Variants in VRK2 observed in about 807,000 individuals in gnomAD.
VRK2 encodes the protein serine/threonine-protein kinase VRK2.
A neutral mutation model predicts 57.6 loss-of-function variants in VRK2; 60 were observed. That is an observed-to-expected ratio of 1.04 (90% CI 0.85 to 1.29). The LOEUF (loss-of-function observed/expected upper bound fraction) is 1.29. Among genes scored for constraint, VRK2 ranks in the 50% most tolerant of loss-of-function variants. VRK2 has a pLI of 0.00. For synonymous variants in VRK2, 231 were observed against 199.2 expected (o/e 1.16, Z -1.35); for missense variants, 705 against 588.1 (o/e 1.20, Z -2.06).
At chr2:57,914,442 A>T (rs1423764124) in intron 1 of VRK2, among the ~76,000 whole-genome samples, 1 of 152,072 alleles carries the variant, frequency 6.6e-6, no homozygotes, top group East Asian at 1.9e-4. Context: ...ATTTAAAAAT[A>T]ATTTAAACTA....
intron 2 of VRK2, among the ~76,000 whole-genome samples, chr2:58,067,549 T>G (rs115385763): frequency 0.01 from 1,573 of 152,236 alleles, 29 homozygotes; most frequent in African/African-American, 0.036. Flanking sequence ...TTTATAGATT[T>G]TATTGATCAT....
Position 58,092,759 on chromosome 2 carries a change from G to A in VRK2, c.543+3036G>A, listed in dbSNP as rs1169516522. Among the ~76,000 whole-genome samples the A allele has an allele frequency of 5.3e-5, 8 of 152,092 alleles. No individual in the cohort carries two copies. In the South Asian group the frequency reaches 1.5e-3, roughly 28 times the overall value. ...TACATGTGCCATGTTGGTGTGCTGC[G>A]CCCATGAACTTGTCATTTATATTAG... On this transcript the variant is annotated intron_variant, in intron 7 of 12. Transcript: ENST00000340157.
chr2:58,016,324 G>T (rs1180143106), intron 1 of VRK2, among the ~76,000 whole-genome samples: 1 of 151,488 alleles, frequency 6.6e-6, no homozygotes, highest in Non-Finnish European at 1.5e-5. Flanking sequence ...CTAATTTGCA[G>T]ATTCTCCATT....
intron 1 of VRK2, among the ~76,000 whole-genome samples, chr2:57,911,355 C>G (rs1044609678): frequency 6.6e-6 from 1 of 152,098 alleles, no homozygotes; most frequent in African/African-American, 2.4e-5. Flanking sequence ...TTGGGAAACA[C>G]TACACCCTTT....
intron 12 of VRK2, among the ~76,000 whole-genome samples, chr2:58,149,841 A>G (rs964282555): frequency 6.6e-6 from 1 of 151,466 alleles, no homozygotes; most frequent in African/African-American, 2.4e-5. Flanking sequence ...TCAACCTTTT[A>G]TTTCTGGGAT....
At chr2:57,956,029 TA>T (rs1385147472) in intron 1 of VRK2, among the ~76,000 whole-genome samples, 10 of 152,242 alleles carry the variant, frequency 6.6e-5, no homozygotes, top group African/African-American at 2.4e-4. Flanking sequence ...CTGTTAATAA[TA>T]AATACATTCA....
intron 1 of VRK2, among the ~76,000 whole-genome samples, chr2:58,025,419 G>T (rs1673894916): frequency 6.6e-6 from 1 of 152,080 alleles, no homozygotes; most frequent in African/African-American, 2.4e-5. Flanking sequence ...AGAATTCAAA[G>T]GCCAATTTTG....
intron 1 of VRK2, chr2:58,047,301 G>A (rs1674962067): frequency 1.9e-6 from 1 of 514,438 alleles, no homozygotes; most frequent in Non-Finnish European, 2.5e-6. Flanking sequence ...TTGGAGGTCA[G>A]CCCAGGCACA....
rs769052775 is a variant in VRK2, at chr2:58,084,895, T to C, written c.201T>C (p.Asn67=). 5.1e-5 allele frequency: 80 copies of C among 1,578,874 alleles called. No individual in the cohort carries two copies. Among genetic ancestry groups the C allele is most frequent in the Admixed American group, 1.3e-4 (7 of 54,586 alleles). The change falls in exon 4 of 13, where the codon AAT becomes AAC. Residue 67 remains asparagine (N), a synonymous_variant. Transcript: ENST00000340157. The part of the protein sequence containing the change: ...RHVVKVEYQE[N]GPLFSELKFY... Reference sequence around the variant, plus strand: ...TTTTTTTATAGGAATATCAAGAAAATGGCCCGTTATTTTCAGAACTTAAAT... The same window carrying C: ...TTTTTTTATAGGAATATCAAGAAAACGGCCCGTTATTTTCAGAACTTAAAT...
chr2:58,112,595 C>T (rs1463839129), intron 7 of VRK2, among the ~76,000 whole-genome samples: 1 of 150,052 alleles, frequency 6.7e-6, no homozygotes, highest in Non-Finnish European at 1.5e-5. Context: ...AAAAGGCCTA[C>T]AAATTTATTA....
rs376242123 is a variant in VRK2 at position 57,970,992 on chromosome 2, T to C, written c.-438-54673T>C. Among the ~76,000 whole-genome samples the C allele has an allele frequency of 1.4e-4, 21 of 152,150 alleles. No individual in the cohort carries two copies. In the East Asian group the frequency reaches 3.9e-3, roughly 28 times the overall value. On this transcript the variant is annotated intron_variant, in intron 1 of 15. Coordinates refer to the VRK2 transcript ENST00000417641. ...CACACTCTGGACTCTGCTGGTTGCA[T>C]CTCTGTAGTATTATTTACATGTTGC...
intron 12 of VRK2, chr2:58,154,819 A>G (rs780032072): frequency 9.8e-5 from 70 of 715,940 alleles, no homozygotes; most frequent in African/African-American, 1.4e-4. Flanking sequence ...ATTCCATGCT[A>G]TAAGTGTCCT....
intron 1 of VRK2, among the ~76,000 whole-genome samples, chr2:57,997,924 G>GA (rs1484288966): frequency 6.6e-6 from 1 of 151,568 alleles, no homozygotes; most frequent in Non-Finnish European, 1.5e-5. Context: ...AAAAAAGGAG[G>GA]AAAAAAGAAA....
chr2:58,088,057 A>G (rs1350487606), intron 5 of VRK2, among the ~76,000 whole-genome samples: 1 of 152,194 alleles, frequency 6.6e-6, no homozygotes, highest in Non-Finnish European at 1.5e-5. Context: ...GTCAAAATGA[A>G]TTGCATTCAG....
At chr2:58,058,231 G>A in intron 2 of VRK2, 1 of 399,516 alleles carries the variant, frequency 2.5e-6, no homozygotes, top group Admixed American at 3.2e-5. Context: ...TTAATCAGCT[G>A]GAATTACTTT....
At position 57,978,557 on chromosome 2, in the gene VRK2, G is replaced by A. The variant is rs1452100424; in HGVS notation, c.-438-47108G>A. Reference sequence around the variant, plus strand: ...AAACATGCTGCCAACTTACCATCCCGATCTAAATCATATTGATTGACATAT... The same window carrying A: ...AAACATGCTGCCAACTTACCATCCCAATCTAAATCATATTGATTGACATAT... On this transcript the variant is annotated intron_variant, in intron 1 of 15. Coordinates refer to the VRK2 transcript ENST00000417641. 2.0e-5 allele frequency among the ~76,000 whole-genome samples: 3 copies of A among 150,656 alleles called. 1 individual carries two copies. Among genetic ancestry groups the A allele is most frequent in the African/African-American group, 5.0e-5 (2 of 40,270 alleles).
At chr2:58,137,123 G>GATACATATATATA (rs2104580049) in intron 10 of VRK2, among the ~76,000 whole-genome samples, 5 of 61,708 alleles carry the variant, frequency 8.1e-5, no homozygotes, top group South Asian at 5.0e-4. Flanking sequence ...TATCATATAT[G>GATACATATATATA]TGTATATATC....
chr2:58,118,376 G>A (rs1208588209), intron 7 of VRK2, among the ~76,000 whole-genome samples: 2 of 152,204 alleles, frequency 1.3e-5, no homozygotes, highest in African/African-American at 4.8e-5. Context: ...GTCCGTGACC[G>A]GCACCGGAGT....
intron 3 of VRK2, among the ~76,000 whole-genome samples, chr2:58,036,385 T>C (rs765875834): frequency 1.3e-5 from 2 of 152,006 alleles, no homozygotes; most frequent in Non-Finnish European, 2.9e-5. Context: ...AAAAAATGAA[T>C]GTGGTGAAGA....
Sources: gnomAD v4.1 joint callset for allele counts (sites outside exome capture counted in the v4.1 genomes callset) on GRCh38, gnomAD v4.1.1 for gene constraint, MANE v1.5 for transcripts, NCBI Gene and HGNC (gene_info 2026-07-23, HGNC 2026-07-21) for gene names.